The following PALLD variants were observed in gnomAD, a reference collection of about 807,000 sequenced individuals.
The protein encoded by PALLD is palladin.
Under a neutral mutation model 123.5 loss-of-function variants are expected in PALLD, and 61 were observed. The ratio of observed to expected loss-of-function variants is 0.49; its 90% CI spans 0.40 to 0.61. The LOEUF (loss-of-function observed/expected upper bound fraction) is 0.61. PALLD is among the 20% of genes least tolerant of loss of function. The pLI, the probability that PALLD is intolerant of heterozygous loss-of-function variation, is 0.00. For synonymous variants in PALLD, 465 were observed against 496.4 expected (o/e 0.94, Z 0.84); for missense variants, 1,273 against 1,377.0 (o/e 0.92, Z 1.20).
At chr4:168,543,294 A>T (rs930343907) in intron 2 of PALLD, among the ~76,000 whole-genome samples, 5 of 150,478 alleles carry the variant, frequency 3.3e-5, no homozygotes, top group African/African-American at 9.7e-5. Context: ...CATGACACCT[A>T]GTTGATAGTA....
intron 8 of PALLD, among the ~76,000 whole-genome samples, chr4:168,695,308 T>C (rs1255427546): frequency 6.6e-6 from 1 of 152,230 alleles, no homozygotes; most frequent in Non-Finnish European, 1.5e-5. Flanking sequence ...TTGTATGCAG[T>C]AAAAACTTAA....
At chr4:168,867,857 C>A (rs1233886228) in intron 10 of PALLD, among the ~76,000 whole-genome samples, 3 of 145,478 alleles carry the variant, frequency 2.1e-5, no homozygotes, top group African/African-American at 2.6e-5. Context: ...TTTCCAAGGC[C>A]ACTTTCTAAA....
intron 2 of PALLD, among the ~76,000 whole-genome samples, chr4:168,541,443 TTTTATTTATTTATTTATTTATTTA>T (rs60488300): frequency 4.1e-5 from 6 of 147,662 alleles, no homozygotes; most frequent in African/African-American, 1.3e-4. Flanking sequence ...CTCTCACTCA[TTTTATTTATTTATTTATTTATTTA>T]TTTATTTATT....
chr4:168,737,189 C>T (rs80131790), intron 10 of PALLD, among the ~76,000 whole-genome samples: 7,091 of 152,252 alleles, frequency 0.047, 248 homozygotes, highest in Middle Eastern at 0.12. Context: ...ACACTGGGCA[C>T]GTTTATCAAG....
chr4:168,739,251 A>G (rs1453676024), intron 10 of PALLD, among the ~76,000 whole-genome samples: 1 of 152,216 alleles, frequency 6.6e-6, no homozygotes, highest in Non-Finnish European at 1.5e-5. Flanking sequence ...TCTCTTTGAT[A>G]TACTGATTCA....
intron 2 of PALLD, among the ~76,000 whole-genome samples, chr4:168,652,088 G>T (rs561229098): frequency 6.6e-6 from 1 of 152,228 alleles, no homozygotes; most frequent in South Asian, 2.1e-4. Flanking sequence ...TGTCGCTTGT[G>T]AAGCGTCACA....
intron 3 of PALLD, among the ~76,000 whole-genome samples, chr4:168,674,682 A>G (rs1277115601): frequency 6.6e-6 from 1 of 152,234 alleles, no homozygotes; most frequent in Non-Finnish European, 1.5e-5. Context: ...GAGGAGCTTG[A>G]GGAATCTGAA....
chr4:168,600,062 TACATGTGTATACACACAC>T (rs1772445102), intron 2 of PALLD, among the ~76,000 whole-genome samples: 2 of 147,568 alleles, frequency 1.4e-5, no homozygotes, highest in African/African-American at 2.6e-5. Context: ...CATATATACA[TACATGTGTATACACACAC>T]ATATATACAT....
intron 10 of PALLD, among the ~76,000 whole-genome samples, chr4:168,818,938 A>G (rs1742337915): frequency 6.6e-6 from 1 of 152,222 alleles, no homozygotes; most frequent in Admixed American, 6.5e-5. Context: ...ATGGTGAAAT[A>G]GTGCTAGTGT....
In PALLD at chr4:168,838,667, CTT is replaced by C. The variant is rs70961558; in HGVS notation, c.1965-52230_1965-52229del. Among the ~76,000 whole-genome samples the C allele has an allele frequency of 9.2e-3, 816 of 88,622 alleles. 4 individuals carry two copies. Among genetic ancestry groups the C allele is most frequent in the African/African-American group, 0.04 (740 of 18,630 alleles). 58.1% of individuals were successfully genotyped at this position (88,622 alleles called of 152,430 possible). A position where few individuals can be genotyped will look rare whatever the true frequency, so the allele number is the denominator to read the frequency against. On this transcript the variant is annotated intron_variant, in intron 10 of 21. Transcript: ENST00000505667. ...GAGGAGAGAGATTATCTTCTAACTC[CTT>C]TTTTTTTTTTTTTTTTTTTTTTTTG...
chr4:168,742,471 A>T (rs950320966), intron 10 of PALLD, among the ~76,000 whole-genome samples: 4 of 152,190 alleles, frequency 2.6e-5, no homozygotes, highest in Admixed American at 6.5e-5. Flanking sequence ...AAGTGTTATG[A>T]TAGTATTAAG....
intron 10 of PALLD, among the ~76,000 whole-genome samples, chr4:168,758,510 A>T (rs1411934552): frequency 9.2e-5 from 14 of 152,148 alleles, no homozygotes; most frequent in Non-Finnish European, 5.9e-5. Flanking sequence ...ACATCCATGC[A>T]TCTCAGGCGT....
intron 2 of PALLD, among the ~76,000 whole-genome samples, chr4:168,662,399 A>T (rs1460910915): frequency 6.6e-6 from 1 of 152,220 alleles, no homozygotes; most frequent in African/African-American, 2.4e-5. Context: ...CAAATTGAGG[A>T]TGGCAAATGT....
chr4:168,672,076 C>T (rs1179072985), intron 3 of PALLD, among the ~76,000 whole-genome samples: 2 of 152,202 alleles, frequency 1.3e-5, no homozygotes, highest in Admixed American at 6.5e-5. Flanking sequence ...TCATTTCATC[C>T]TCACAAATAT....
chr4:168,906,118 G>A lies in PALLD; in HGVS notation c.2622+2212G>A, dbSNP rs565878012. On this transcript the variant is annotated intron_variant, in intron 15 of 21. Coordinates refer to ENST00000505667, the MANE Select transcript of PALLD (RefSeq NM_001166108.2). ...CTGACAAAATCCAAAATTTTTCTTC[G>A]TGTTGGGTCATTTATTCCTCTTTTG... Among the ~76,000 whole-genome samples, 5 of 152,134 alleles carry A rather than the reference G, an allele frequency of 3.3e-5. No individual in the cohort carries two copies. In the East Asian group the frequency reaches 7.7e-4, roughly 23 times the overall value.
At chr4:168,679,570 T>A (rs1781338547) in intron 3 of PALLD, among the ~76,000 whole-genome samples, 1 of 150,498 alleles carries the variant, frequency 6.6e-6, no homozygotes, top group African/African-American at 2.5e-5. Context: ...TGTGTGTGTG[T>A]CCTCTTCACT....
rs1761518453 is a variant in PALLD at position 168,921,524 on chromosome 4, T to C, written c.2851-10T>C. The C allele has an allele frequency of 4.5e-6, 7 of 1,570,964 alleles. No individual in the cohort carries two copies. The highest frequency in any genetic ancestry group is 6.1e-6 in the Non-Finnish European group (7 of 1,153,560). On this transcript the variant is annotated splice_polypyrimidine_tract_variant and intron_variant, in intron 17 of 21. Transcript: ENST00000505667. The stretch of plus-strand genomic sequence containing the variant: ...TACAAAAATTTACATGTATTTCTTT[T>C]ATGATTTAGGTCAGTGGGTTACCAA...
chr4:168,739,943 A>G (rs890833782), intron 10 of PALLD, among the ~76,000 whole-genome samples: 4 of 152,198 alleles, frequency 2.6e-5, no homozygotes, highest in African/African-American at 9.7e-5. Context: ...CTCTGATTTG[A>G]AAGATACCAT....
intron 10 of PALLD, among the ~76,000 whole-genome samples, chr4:168,735,310 C>T (rs1276525830): frequency 6.6e-6 from 1 of 152,154 alleles, no homozygotes; most frequent in Non-Finnish European, 1.5e-5. Context: ...TTCATCAGTT[C>T]CATTCAGTAT....
Sources: allele counts gnomAD v4.1 joint callset (sites outside exome capture counted in the v4.1 genomes callset), GRCh38; gene constraint gnomAD v4.1.1; transcripts MANE v1.5; gene names NCBI Gene and HGNC (gene_info 2026-07-23, HGNC 2026-07-21).